EIF2AK3: variants seen among roughly 807,000 people sequenced by gnomAD.
EIF2AK3 encodes the protein eukaryotic translation initiation factor 2 alpha kinase 3.
Under a neutral mutation model 113.5 loss-of-function variants are expected in EIF2AK3, and 50 were observed. That is an observed-to-expected ratio of 0.44 (90% CI 0.35 to 0.56). EIF2AK3 has a LOEUF of 0.56. Among genes scored for constraint, EIF2AK3 ranks in the 20% least tolerant of loss-of-function variants. EIF2AK3 has a pLI of 0.00. For missense variants in EIF2AK3, 1,185 were observed against 1,378.0 expected, an observed-to-expected ratio of 0.86 and a Z score of 2.22; for synonymous variants, 448 against 495.4, an observed-to-expected ratio of 0.90 and a Z score of 1.27.
chr2:88,585,756 G>T, intron 9 of EIF2AK3, 85 bp downstream of exon 9: 2 of 1,323,824 alleles, frequency 1.5e-6, no homozygotes, highest in South Asian at 1.4e-5. Flanking sequence ...GGAGCAGTAG[G>T]GATGGAAGCC....
In EIF2AK3 at chr2:88,595,565, T is replaced by C. The variant is rs143435761; in HGVS notation, c.537A>G (p.Glu179=). ...ESMETVPFTV[E]SLLESSYKFG... is the part of the protein sequence containing the mutation. ...ATTTATAAGAAGATTCAAGAAGTGA[T>C]TCAACTGTGAAAGGAACTGTTTCCA... Residue 179 remains glutamate (E), a synonymous_variant, in exon 3 of 17, where the codon GAA becomes GAG. Transcript: ENST00000303236. 2 of 1,613,868 alleles carry C rather than the reference T, an allele frequency of 1.2e-6. No individual in the cohort carries two copies. The highest frequency in any genetic ancestry group is 1.1e-5 in the South Asian group (1 of 91,068).
At chr2:88,586,780 T>C (rs1447989655) in intron 8 of EIF2AK3, among the ~76,000 whole-genome samples, 2 of 151,184 alleles carry the variant, frequency 1.3e-5, no homozygotes, top group Admixed American at 6.6e-5. Context: ...TTAGTAAAGA[T>C]GGGGTTTCAC....
intron 13 of EIF2AK3, among the ~76,000 whole-genome samples, chr2:88,571,614 A>G (rs1354495183): frequency 6.6e-6 from 1 of 152,202 alleles, no homozygotes; most frequent in African/African-American, 2.4e-5. Flanking sequence ...GTCTGGCTCT[A>G]TGAGGAAAGG....
chr2:88,574,951 A>G lies in EIF2AK3; in HGVS notation c.2532T>C (p.Ser844=), dbSNP rs56094918. The change falls in exon 13 of 17, where the codon AGT becomes AGC. Residue 844 remains serine, a synonymous_variant. Transcript: ENST00000303236. ...ATGTAGCTTCAGAAGAAGATTTGCT[A>G]CTGGTGGGCTTGAAAGCAGTTAGTT... ...ANKLTAFKPT[S]SKSSSEATLS... is the part of the protein sequence containing the mutation. The G allele has an allele frequency of 5.3e-4, 862 of 1,614,186 alleles. 6 individuals carry two copies. In the East Asian group the frequency reaches 0.017, roughly 32 times the overall value.
Position 88,583,319 on chromosome 2 carries a change from T to A in EIF2AK3, c.1763+111A>T, listed in dbSNP as rs370840167. On this transcript the variant is annotated intron_variant, in intron 10 of 16. Transcript: ENST00000303236. ...CCTGAATTTATTTATTTATTGAGGG[T>A]TAAGCCTATGTTTTATTTTTCTAGA... The A allele has an allele frequency of 5.6e-4, 432 of 778,338 alleles. 2 individuals carry two copies. The South Asian group carries it at 6.5e-3, about 12-fold the overall frequency. The allele number at this position is 778,338 out of a possible 1,614,324, so 48.2% of individuals were successfully genotyped here.
At chr2:88,606,473 G>A (rs1675282223) in intron 2 of EIF2AK3, among the ~76,000 whole-genome samples, 1 of 152,160 alleles carries the variant, frequency 6.6e-6, no homozygotes, top group South Asian at 2.1e-4. Flanking sequence ...TAAAAGAAAA[G>A]CAATTAACCC....
intron 14 of EIF2AK3, among the ~76,000 whole-genome samples, chr2:88,568,802 A>G (rs1192843966): frequency 1.3e-5 from 2 of 152,230 alleles, no homozygotes; most frequent in African/African-American, 4.8e-5. Context: ...GAGTTACAAT[A>G]TGCTCTAGCT....
chr2:88,627,108 G>C lies in EIF2AK3; in HGVS notation c.167C>G (p.Ala56Gly). 1 of 1,533,750 alleles carries C rather than the reference G, an allele frequency of 6.5e-7. No homozygotes were observed. Among genetic ancestry groups the C allele is most frequent in the Non-Finnish European group, 8.7e-7 (1 of 1,147,846 alleles). Residue 56 changes from alanine to glycine, a missense_variant, in exon 1 of 17, where the codon GCG becomes GGG. Ala to Gly is a moderately conservative substitution (Grantham distance 60). Around this residue, in one of 3 missense-constraint regions of EIF2AK3, gnomAD observed 189 missense variants for 175.2 expected, o/e 1.08. Transcript: ENST00000303236. Reference protein sequence around the residue: ...GLGAAAAPTSATRVPAAGAVA... With the variant: ...GLGAAAAPTSGTRVPAAGAVA... ...GGCGCCCGCCGCCGGTACTCGCGTC[G>C]CTGAGGTGGGAGCAGCGGCCGCCCC...
intron 8 of EIF2AK3, among the ~76,000 whole-genome samples, chr2:88,587,033 C>T (rs561640405): frequency 2.0e-4 from 30 of 150,478 alleles, no homozygotes; most frequent in African/African-American, 6.6e-4. Context: ...GGTGAAACCC[C>T]GTCTCTACTA....
At chr2:88,625,561 A>G (rs1675839242) in intron 1 of EIF2AK3, among the ~76,000 whole-genome samples, 1 of 152,162 alleles carries the variant, frequency 6.6e-6, no homozygotes, top group South Asian at 2.1e-4. Flanking sequence ...CTAGTCTGTA[A>G]TGTTGTTATA....
intron 1 of EIF2AK3, among the ~76,000 whole-genome samples, chr2:88,625,130 G>T (rs968641558): frequency 6.6e-6 from 1 of 152,134 alleles, no homozygotes; most frequent in Admixed American, 6.5e-5. Flanking sequence ...GTGTGGGGTG[G>T]TGCCCCACTC....
chr2:88,591,343 T>G (rs568535036), intron 4 of EIF2AK3, among the ~76,000 whole-genome samples: 1 of 152,286 alleles, frequency 6.6e-6, no homozygotes, highest in East Asian at 1.9e-4. Context: ...TGTTTGTACT[T>G]CTACATCAGA....
Position 88,616,011 on chromosome 2 carries a change from G to C in EIF2AK3, c.309-2158C>G, listed in dbSNP as rs368754916. ...TGAAACACACTCTATATGGCTTCCA[G>C]GTCACCACGCTCTTTTTTTTTTGGA... On this transcript the variant is annotated intron_variant, in intron 1 of 16. Transcript: ENST00000303236. 3.6e-4 allele frequency among the ~76,000 whole-genome samples: 54 copies of C among 151,744 alleles called. No homozygotes were observed. In the South Asian group the frequency reaches 7.5e-3, roughly 21 times the overall value.
rs773635212 is a variant in EIF2AK3, at chr2:88,576,708, A to C, written c.1887-5T>G. Reference sequence around the variant, plus strand: ...ACCTTTTCCCGAGCCAATTCCCTGAAAGAGAGAAAATATTTAAGGTGATGG... The same window carrying C: ...ACCTTTTCCCGAGCCAATTCCCTGACAGAGAGAAAATATTTAAGGTGATGG... On this transcript the variant is annotated splice_polypyrimidine_tract_variant and splice_region_variant and intron_variant, in intron 11 of 16. Transcript: ENST00000303236. The C allele has an allele frequency of 1.2e-6, 2 of 1,613,850 alleles. No homozygotes were observed. The highest frequency in any genetic ancestry group is 8.5e-7 in the Non-Finnish European group (1 of 1,179,966).
chr2:88,585,738 G>C, intron 9 of EIF2AK3, 103 bp downstream of exon 9: 1 of 1,113,642 alleles, frequency 9.0e-7, no homozygotes, highest in African/African-American at 1.6e-5. Context: ...GGCAAGAGTA[G>C]CTTTGGTGGA....
chr2:88,603,868 A>G (rs1277037571), intron 2 of EIF2AK3, among the ~76,000 whole-genome samples: 1 of 152,156 alleles, frequency 6.6e-6, no homozygotes, highest in African/African-American at 2.4e-5. Flanking sequence ...CTCTGCTTGG[A>G]GAGCTCTCAT....
Position 88,627,387 on chromosome 2 carries a change from G to A in EIF2AK3, c.-113C>T. 2.4e-6 allele frequency: 3 copies of A among 1,259,296 alleles called. No individual in the cohort carries two copies. Among genetic ancestry groups the A allele is most frequent in the East Asian group, 3.2e-5 (1 of 30,800 alleles). 78.0% of individuals were successfully genotyped at this position (1,259,296 alleles called of 1,614,324 possible). A position where few individuals can be genotyped will look rare whatever the true frequency, so the allele number is the denominator to read the frequency against. On this transcript the variant is annotated 5_prime_UTR_variant, in exon 1 of 17. Transcript: ENST00000303236. ...GTGCTAGGGACCCTACTGCCGCCCCGACGGCCTGGACAGCCAGCCGTGTTC... is the reference window on the plus strand; with the variant it reads ...GTGCTAGGGACCCTACTGCCGCCCCAACGGCCTGGACAGCCAGCCGTGTTC...
chr2:88,584,736 T>G (rs1340618462), intron 9 of EIF2AK3, among the ~76,000 whole-genome samples: 1 of 151,740 alleles, frequency 6.6e-6, no homozygotes, highest in Non-Finnish European at 1.5e-5. Flanking sequence ...ACCCAGGAGT[T>G]AATTATTTGA....
At chr2:88,570,416 C>T (rs1674273358) in intron 14 of EIF2AK3, among the ~76,000 whole-genome samples, 1 of 152,202 alleles carries the variant, frequency 6.6e-6, no homozygotes, top group Admixed American at 6.5e-5. Context: ...GGCCAAGCAG[C>T]CCACAAGGCA....
Sources: allele counts gnomAD v4.1 joint callset (sites outside exome capture counted in the v4.1 genomes callset), GRCh38; gene constraint gnomAD v4.1.1; regional missense constraint gnomAD v4.1.1; transcripts MANE v1.5; gene names NCBI Gene and HGNC (gene_info 2026-07-23, HGNC 2026-07-21).